FAM227A: variants seen among roughly 807,000 people sequenced by gnomAD.
FAM227A encodes the protein protein FAM227A.
Under a neutral mutation model 74.7 loss-of-function variants are expected in FAM227A, and 80 were observed. The ratio of observed to expected loss-of-function variants is 1.07; its 90% CI spans 0.89 to 1.29. FAM227A has a LOEUF of 1.29. FAM227A is among the 50% of genes most tolerant of loss of function. FAM227A has a pLI of 0.00. For missense variants in FAM227A, 654 were observed against 683.4 expected (o/e 0.96, Z 0.48); for synonymous variants, 237 against 241.8 (o/e 0.98, Z 0.19).
At chr22:38,614,108 T>C (rs566750735) in intron 11 of FAM227A, among the ~76,000 whole-genome samples, 40 of 152,150 alleles carry the variant, frequency 2.6e-4, no homozygotes, top group Non-Finnish European at 4.9e-4. Context: ...CCATGCCTAA[T>C]TTGATAGTCT....
chr22:38,590,732 T>C (rs1470905556), intron 16 of FAM227A, among the ~76,000 whole-genome samples: 1 of 152,242 alleles, frequency 6.6e-6, no homozygotes, highest in African/African-American at 2.4e-5. Flanking sequence ...CCCTTACTAC[T>C]ACCAATAATA....
intron 6 of FAM227A, among the ~76,000 whole-genome samples, 198 bp downstream of exon 6, chr22:38,636,253 C>G (rs2092004988): frequency 6.6e-6 from 1 of 152,192 alleles, no homozygotes; most frequent in African/African-American, 2.4e-5. Flanking sequence ...GTGATCAAAA[C>G]AGTCTGAAGA....
Position 38,605,261 on chromosome 22 carries a change from G to T in FAM227A, c.1214C>A (p.Pro405His). The change falls in exon 13 of 17, where the codon CCT (proline) becomes CAT (histidine). Residue 405 changes from proline to histidine, a missense_variant. Transcript: ENST00000535113. ...TTCCAATCATGTGCTCACCTTTTTAGGAAACATATTCTCACATTCTCTTGC... is the reference window on the plus strand; with the variant it reads ...TTCCAATCATGTGCTCACCTTTTTATGAAACATATTCTCACATTCTCTTGC... ...SEARECENMF[P>H]KKSCAACKSP... 2 of 1,540,944 alleles carry T rather than the reference G, an allele frequency of 1.3e-6. No individual in the cohort carries two copies. Among genetic ancestry groups the T allele is most frequent in the Non-Finnish European group, 1.8e-6 (2 of 1,137,090 alleles).
intron 11 of FAM227A, among the ~76,000 whole-genome samples, chr22:38,615,567 C>G (rs532638579): frequency 2.0e-5 from 3 of 152,200 alleles, no homozygotes; most frequent in South Asian, 4.1e-4. Context: ...AAAGGCCCAA[C>G]CAGGCATAGA....
At chr22:38,639,451 C>G (rs2092069074) in intron 4 of FAM227A, among the ~76,000 whole-genome samples, 1 of 151,678 alleles carries the variant, frequency 6.6e-6, no homozygotes, top group Non-Finnish European at 1.5e-5. Context: ...ATAAAAGCAC[C>G]TGGTGCCACA....
chr22:38,644,015 C>T (rs887910533), intron 3 of FAM227A, among the ~76,000 whole-genome samples: 6 of 151,752 alleles, frequency 4.0e-5, no homozygotes, highest in Non-Finnish European at 8.8e-5. Flanking sequence ...GGCGTGGTGG[C>T]GGGCGCCTGT....
Position 38,582,540 on chromosome 22 carries a change from A to AT in FAM227A, c.*3584dup. 9.7e-7 allele frequency: 1 copy of AT among 1,028,272 alleles called. No individual in the cohort carries two copies. Among genetic ancestry groups the AT allele is most frequent in the South Asian group, 1.6e-5 (1 of 61,166 alleles). 63.7% of individuals were successfully genotyped at this position (1,028,272 alleles called of 1,614,324 possible). On this transcript the variant is annotated 3_prime_UTR_variant, in exon 17 of 17. Transcript: ENST00000535113. The stretch of plus-strand genomic sequence containing the variant: ...AAAGGGCAAATAATTCTTCCCCATA[A>AT]TTTTCCCTTCTAATGTTTACAAAGG...
At chr22:38,602,564 G>A (rs2091199863) in intron 13 of FAM227A, among the ~76,000 whole-genome samples, 1 of 152,170 alleles carries the variant, frequency 6.6e-6, no homozygotes, top group Non-Finnish European at 1.5e-5. Flanking sequence ...TAAGTAAATT[G>A]ATTCACTTCA....
intron 6 of FAM227A, among the ~76,000 whole-genome samples, chr22:38,634,374 T>C (rs1176422785): frequency 2.0e-5 from 3 of 152,186 alleles, no homozygotes; most frequent in East Asian, 3.8e-4. Context: ...GTCCATGATA[T>C]AGATGTCAAA....
intron 6 of FAM227A, among the ~76,000 whole-genome samples, chr22:38,635,473 T>G (rs1324132226): frequency 6.6e-6 from 1 of 152,028 alleles, no homozygotes; most frequent in African/African-American, 2.4e-5. Context: ...GCCGAGACCA[T>G]TTCCTGGGCT....
intron 14 of FAM227A, among the ~76,000 whole-genome samples, chr22:38,597,975 G>A (rs571504943): frequency 6.7e-6 from 1 of 150,216 alleles, no homozygotes; most frequent in African/African-American, 2.4e-5. Context: ...CCCAGGAGGC[G>A]GAAGTTGCGG....
chr22:38,626,031 C>G (rs1036081425), intron 9 of FAM227A, 149 bp downstream of exon 9: 4 of 736,746 alleles, frequency 5.4e-6, no homozygotes, highest in Admixed American at 3.1e-5. Context: ...GGGGCTCCAA[C>G]CACATACTTT....
intron 10 of FAM227A, among the ~76,000 whole-genome samples, chr22:38,621,241 T>C (rs1289437779): frequency 1.3e-5 from 2 of 151,554 alleles, no homozygotes; most frequent in Non-Finnish European, 2.9e-5. Flanking sequence ...TCCCAGCTAC[T>C]TGGGAGGCTG....
At chr22:38,606,760 C>G (rs758470600) in intron 12 of FAM227A, among the ~76,000 whole-genome samples, 1 of 152,180 alleles carries the variant, frequency 6.6e-6, no homozygotes, top group Non-Finnish European at 1.5e-5. Context: ...TTAGTAATTA[C>G]TGGTTTCTGG....
chr22:38,592,217 G>A (rs552285487), intron 15 of FAM227A, among the ~76,000 whole-genome samples: 7 of 152,050 alleles, frequency 4.6e-5, no homozygotes, highest in Non-Finnish European at 7.4e-5. Flanking sequence ...CAAGTGCTGG[G>A]ATTACAGGCG....
intron 3 of FAM227A, among the ~76,000 whole-genome samples, chr22:38,645,218 C>T (rs995787974): frequency 4.8e-4 from 72 of 151,134 alleles, no homozygotes; most frequent in South Asian, 2.1e-4. Context: ...GGTGAAACCC[C>T]GTCTCTACTA....
At chr22:38,605,440 C>G (rs2091264083) in intron 12 of FAM227A, 92 bp from the exon 13 acceptor site, 1 of 698,466 alleles carries the variant, frequency 1.4e-6, no homozygotes, top group African/African-American at 1.8e-5. Context: ...CAGGTGTGTG[C>G]CACCGCACCC....
At chr22:38,588,797 A>G (rs1371128926) in intron 16 of FAM227A, among the ~76,000 whole-genome samples, 1 of 149,106 alleles carries the variant, frequency 6.7e-6, no homozygotes, top group African/African-American at 2.5e-5. Context: ...GTGTGGTAGC[A>G]GGTGCCTGTA....
At chr22:38,641,979 ACGTGTGTGTGCG>A (rs747086104) in intron 3 of FAM227A, among the ~76,000 whole-genome samples, 1 of 143,342 alleles carries the variant, frequency 7.0e-6, no homozygotes, top group Non-Finnish European at 1.5e-5. Flanking sequence ...GTGTGTGCGC[ACGTGTGTGTGCG>A]CGTGTGTTTG....
Sources: allele counts gnomAD v4.1 joint callset (sites outside exome capture counted in the v4.1 genomes callset), GRCh38; gene constraint gnomAD v4.1.1; transcripts MANE v1.5; gene names NCBI Gene and HGNC (gene_info 2026-07-23, HGNC 2026-07-21).